The following NCR1 variants were observed in gnomAD, a reference collection of about 807,000 sequenced individuals.
The protein encoded by NCR1 is natural cytotoxicity triggering receptor 1, also known as NK cell-activating receptor.
A neutral mutation model predicts 32.5 loss-of-function variants in NCR1; 30 were observed. The observed-to-expected ratio is 0.92, with a 90% confidence interval of 0.69 to 1.25. NCR1 has a LOEUF of 1.25. NCR1 is among the 50% of genes most tolerant of loss of function. The pLI is 0.00. For synonymous variants in NCR1, 169 were observed against 143.4 expected (o/e 1.18, Z -1.28); for missense variants, 369 against 380.7 (o/e 0.97, Z 0.26).
At chr19:54,922,159 C>T in the NCR1 span, among the ~76,000 whole-genome samples, 1 of 152,062 alleles carries the variant, frequency 6.6e-6, no homozygotes, top group Non-Finnish European at 1.5e-5. Flanking sequence ...TCCCAAAGTG[C>T]TGGGATTACA....
chr19:54,925,613 G>A, the NCR1 span, among the ~76,000 whole-genome samples: 10 of 152,006 alleles, frequency 6.6e-5, no homozygotes, highest in Non-Finnish European at 1.3e-4. Context: ...TGAGAACCTC[G>A]GCAACACGGC....
At chr19:54,934,274 A>G in the NCR1 span, among the ~76,000 whole-genome samples, 1 of 152,106 alleles carries the variant, frequency 6.6e-6, no homozygotes, top group Non-Finnish European at 1.5e-5. This position sits in a 1 kb window ranked among gnomAD's most constrained non-coding sequence, Gnocchi z 6.7. Flanking sequence ...ACAGGGTTTC[A>G]CCATGTTGGC....
At position 54,912,675 on chromosome 19, in the gene NCR1, T is replaced by TTCTCCTGC. The variant is rs781088699; in HGVS notation, c.734-14_734-7dup. ...TACATCCCTGTCAGCGATCACCCTG[T>TTCTCCTGC]TCTCCTGCCTACAGACCATGCCCTC... On this transcript the variant is annotated splice_polypyrimidine_tract_variant and intron_variant, in intron 6 of 6. Coordinates refer to ENST00000291890, the MANE Select transcript of NCR1 (RefSeq NM_004829.7). 1 of 1,561,936 alleles carries TTCTCCTGC rather than the reference T, an allele frequency of 6.4e-7. No individual in the cohort carries two copies. Among genetic ancestry groups the TTCTCCTGC allele is most frequent in the African/African-American group, 1.4e-5 (1 of 72,438 alleles).
intron 5 of NCR1, among the ~76,000 whole-genome samples, chr19:54,910,315 T>C (rs755477784): frequency 5.3e-5 from 8 of 152,186 alleles, no homozygotes; most frequent in African/African-American, 1.9e-4. Context: ...CTCACACCTG[T>C]AATCCCAACA....
chr19:54,899,027 C>G, the NCR1 span, among the ~76,000 whole-genome samples: 1 of 151,932 alleles, frequency 6.6e-6, no homozygotes, highest in Non-Finnish European at 1.5e-5. Flanking sequence ...AAAGACTCAG[C>G]GATGCTTGGG....
chr19:54,903,389 CATATAT>C (rs1362252391), upstream of NCR1, among the ~76,000 whole-genome samples: 3,507 of 132,376 alleles, frequency 0.026, 89 homozygotes, highest in African/African-American at 0.085. Flanking sequence ...TATGTATATA[CATATAT>C]GTATATGTAT....
chr19:54,904,140 AAAAGAAAGAAAAAG>A (rs1395290293), upstream of NCR1, among the ~76,000 whole-genome samples: 6 of 96,054 alleles, frequency 6.2e-5, no homozygotes, highest in African/African-American at 3.0e-4. Context: ...AAAAAAAAAA[AAAAGAAAGAAAAAG>A]AAAAAGAAAA....
chr19:54,936,634 C>T, the NCR1 span, among the ~76,000 whole-genome samples: 1 of 151,294 alleles, frequency 6.6e-6, no homozygotes, highest in Non-Finnish European at 1.5e-5. Context: ...CCAACCTGGG[C>T]AACATGGTGA....
chr19:54,933,774 G>A, the NCR1 span: 1 of 1,587,366 alleles, frequency 6.3e-7, no homozygotes, highest in South Asian at 1.1e-5. Flanking sequence ...AGAAGGATGA[G>A]AACATTTCCA....
At chr19:54,930,810 G>C in the NCR1 span, 1 of 717,120 alleles carries the variant, frequency 1.4e-6, no homozygotes, top group Non-Finnish European at 2.5e-6. Flanking sequence ...CTGCCTCCCA[G>C]GTTCAAGCGA....
At chr19:54,937,830 G>A in the NCR1 span, among the ~76,000 whole-genome samples, 4,806 of 148,062 alleles carry the variant, frequency 0.032, 244 homozygotes, top group African/African-American at 0.11. Flanking sequence ...CTGGGAGGTG[G>A]AGGATGCAGT....
At chr19:54,935,694 GAAAAAAA>G in the NCR1 span, among the ~76,000 whole-genome samples, 2 of 106,038 alleles carry the variant, frequency 1.9e-5, no homozygotes, top group Non-Finnish European at 4.5e-5. Context: ...CTGTCTCAAA[GAAAAAAA>G]AAAAAAAAAA....
At chr19:54,932,316 T>C in the NCR1 span, among the ~76,000 whole-genome samples, 1 of 151,804 alleles carries the variant, frequency 6.6e-6, no homozygotes, top group African/African-American at 2.4e-5. Context: ...TAATCCCAGC[T>C]ACTTGGGAGG....
At chr19:54,904,531 C>CTTTTCTTTTCTTTTTTTTTTTTT (rs1221694096), upstream of NCR1, among the ~76,000 whole-genome samples, 1 of 118,994 alleles carries the variant, frequency 8.4e-6, no homozygotes, top group African/African-American at 3.2e-5. Context: ...GTTTTCTTTT[C>CTTTTCTTTTCTTTTTTTTTTTTT]TTTTTTTTTT....
intron 3 of NCR1, among the ~76,000 whole-genome samples, chr19:54,907,485 C>CTT (rs34400827): frequency 3.6e-5 from 5 of 137,014 alleles, no homozygotes; most frequent in South Asian, 2.3e-4. Context: ...AAAAAATTAG[C>CTT]TTTTTTTTTT....
chr19:54,932,511 A>G, the NCR1 span, among the ~76,000 whole-genome samples: 1 of 152,058 alleles, frequency 6.6e-6, no homozygotes. Context: ...CAATCTCTTG[A>G]ATATTTTTCT....
the NCR1 span, among the ~76,000 whole-genome samples, chr19:54,922,778 C>CAA: frequency 2.2e-3 from 86 of 39,404 alleles, 6 homozygotes; most frequent in South Asian, 3.9e-3. Context: ...AACTCCGTCT[C>CAA]AAAAAAAAAA....
At chr19:54,922,999 C>G in the NCR1 span, among the ~76,000 whole-genome samples, 8 of 151,872 alleles carry the variant, frequency 5.3e-5, no homozygotes, top group African/African-American at 1.2e-4. Context: ...CACACACACA[C>G]AGAGAGTAGG....
the NCR1 span, among the ~76,000 whole-genome samples, chr19:54,900,552 G>A: frequency 6.6e-6 from 1 of 152,090 alleles, no homozygotes; most frequent in Non-Finnish European, 1.5e-5. Flanking sequence ...GTACATACAG[G>A]CCACAGGGGG....
Sources: allele counts gnomAD v4.1 joint callset (sites outside exome capture counted in the v4.1 genomes callset), GRCh38; gene constraint gnomAD v4.1.1; non-coding constraint Gnocchi (gnomAD v3.1); transcripts MANE v1.5; gene names NCBI Gene and HGNC (gene_info 2026-07-23, HGNC 2026-07-21).